Variants in RIT2 observed in about 807,000 individuals in gnomAD.
RIT2 encodes the protein GTP-binding protein Rit2.
In RIT2, 24 loss-of-function variants were observed where a neutral mutation model predicts 23.7. That is an observed-to-expected ratio of 1.01 (90% CI 0.73 to 1.43). The LOEUF (loss-of-function observed/expected upper bound fraction) is 1.43, where lower values mean the gene tolerates loss of function less well. Ranked by LOEUF, RIT2 falls within the 40% of genes most tolerant of loss-of-function variation. The probability of loss-of-function intolerance (pLI) is 0.00; values close to 1 mark genes in which losing one functional copy is unlikely to be tolerated. For missense variants in RIT2, 236 were observed against 266.9 expected, an observed-to-expected ratio of 0.88 and a Z score of 0.81; for synonymous variants, 107 against 91.1, an observed-to-expected ratio of 1.17 and a Z score of -0.99.
intron 3 of RIT2, among the ~76,000 whole-genome samples, 185 bp from the exon 4 acceptor site, chr18:42,923,948 C>T (rs992217185): frequency 6.6e-6 from 1 of 151,610 alleles, no homozygotes; most frequent in Non-Finnish European, 1.5e-5. Flanking sequence ...TACTTATAGA[C>T]TCTTAGGGAT....
At chr18:42,900,210 GA>G (rs929861480) in intron 4 of RIT2, among the ~76,000 whole-genome samples, 1 of 151,948 alleles carries the variant, frequency 6.6e-6, no homozygotes, top group Admixed American at 6.6e-5. Context: ...AATTTTTGAA[GA>G]AATTTCTGCT....
chr18:42,751,114 G>T (rs1171894333), intron 4 of RIT2, among the ~76,000 whole-genome samples: 1 of 151,798 alleles, frequency 6.6e-6, no homozygotes, highest in African/African-American at 2.4e-5. Context: ...ATATTATTGG[G>T]ATATCATTTC....
At chr18:42,979,635 G>A (rs903080101) in intron 2 of RIT2, among the ~76,000 whole-genome samples, 4 of 152,164 alleles carry the variant, frequency 2.6e-5, no homozygotes, top group African/African-American at 9.7e-5. Flanking sequence ...GCAACGTACT[G>A]TGCTGCACAC....
At chr18:43,044,714 G>A (rs1258632695) in intron 1 of RIT2, among the ~76,000 whole-genome samples, 2 of 152,296 alleles carry the variant, frequency 1.3e-5, no homozygotes, top group East Asian at 3.9e-4. Context: ...TTGAGGGACA[G>A]ATTAGAAAAC....
intron 4 of RIT2, among the ~76,000 whole-genome samples, chr18:42,870,343 C>T (rs1205902280): frequency 6.6e-6 from 1 of 152,064 alleles, no homozygotes; most frequent in African/African-American, 2.4e-5. Context: ...CAGGTTCAAG[C>T]GATTCTCCTG....
intron 1 of RIT2, among the ~76,000 whole-genome samples, chr18:43,056,860 G>A (rs184859963): frequency 6.6e-6 from 1 of 152,208 alleles, no homozygotes; most frequent in East Asian, 1.9e-4. Flanking sequence ...TCTTTGAATT[G>A]ACCTCAGCAA....
At chr18:42,995,182 T>C (rs1315210526) in intron 2 of RIT2, among the ~76,000 whole-genome samples, 2 of 152,152 alleles carry the variant, frequency 1.3e-5, no homozygotes, top group Non-Finnish European at 2.9e-5. Flanking sequence ...TTAAAACCTC[T>C]CATTTCCTTT....
chr18:42,781,031 A>G (rs1411139440), intron 4 of RIT2, among the ~76,000 whole-genome samples: 2 of 152,266 alleles, frequency 1.3e-5, no homozygotes, highest in East Asian at 3.9e-4. Context: ...ACCTGCAGTG[A>G]AACTTTAAGC....
chr18:42,909,451 C>T (rs1908710675), intron 4 of RIT2, among the ~76,000 whole-genome samples: 1 of 152,000 alleles, frequency 6.6e-6, no homozygotes, highest in African/African-American at 2.4e-5. Flanking sequence ...ACACCTTTAC[C>T]CCAAAAATTG....
Position 42,845,567 on chromosome 18 carries a change from G to C in RIT2, c.426+78005C>G, listed in dbSNP as rs181124333. Among the ~76,000 whole-genome samples, 574 of 150,226 alleles carry C rather than the reference G, an allele frequency of 3.8e-3. 2 individuals carry two copies. Among genetic ancestry groups the C allele is most frequent in the Admixed American group, 0.012 (187 of 15,038 alleles). On this transcript the variant is annotated intron_variant, in intron 4 of 4. Coordinates refer to ENST00000326695, the MANE Select transcript of RIT2 (RefSeq NM_002930.4). ...ACTGTAGAATGTACATGTTTTTCCA[G>C]TACGTGAAACAATTATAAATATTGG...
chr18:42,944,028 G>C (rs1199839037), intron 3 of RIT2, among the ~76,000 whole-genome samples: 1 of 152,078 alleles, frequency 6.6e-6, no homozygotes, highest in African/African-American at 2.4e-5. Context: ...TCCAGGGTCT[G>C]TTATCAACAC....
At chr18:43,040,756 A>G (rs985863537) in intron 1 of RIT2, among the ~76,000 whole-genome samples, 4 of 152,238 alleles carry the variant, frequency 2.6e-5, no homozygotes, top group South Asian at 2.1e-4. Context: ...ATAAGGGGGA[A>G]AAGGATATTT....
intron 3 of RIT2, among the ~76,000 whole-genome samples, chr18:42,955,212 A>G (rs1037746685): frequency 1.3e-5 from 2 of 152,218 alleles, no homozygotes; most frequent in African/African-American, 4.8e-5. Flanking sequence ...GTTCAATAAT[A>G]CTACTGTCAT....
At chr18:42,880,170 T>G (rs996349467) in intron 4 of RIT2, among the ~76,000 whole-genome samples, 4 of 152,182 alleles carry the variant, frequency 2.6e-5, no homozygotes, top group Admixed American at 6.5e-5. Flanking sequence ...CAAAAAGGAC[T>G]GGATCTCGTA....
At chr18:42,776,771 A>C (rs1435758879) in intron 4 of RIT2, among the ~76,000 whole-genome samples, 2 of 152,162 alleles carry the variant, frequency 1.3e-5, no homozygotes, top group African/African-American at 4.8e-5. Context: ...ATTGTTCAAC[A>C]AAATTATAAT....
chr18:42,775,841 A>G (rs1430779167), intron 4 of RIT2, among the ~76,000 whole-genome samples: 1 of 147,712 alleles, frequency 6.8e-6, no homozygotes, highest in East Asian at 1.9e-4. Flanking sequence ...TGAGGGCAGA[A>G]GAAACTAACA....
intron 4 of RIT2, among the ~76,000 whole-genome samples, chr18:42,920,988 C>T (rs1330860166): frequency 6.6e-6 from 1 of 151,776 alleles, no homozygotes; most frequent in African/African-American, 2.4e-5. Context: ...CTTTCAGATA[C>T]TGATGAACAA....
chr18:42,897,179 G>T (rs1020658128), intron 4 of RIT2, among the ~76,000 whole-genome samples: 11 of 152,138 alleles, frequency 7.2e-5, no homozygotes, highest in South Asian at 2.1e-4. Context: ...TAAAATACCT[G>T]ATAACTTACT....
At chr18:43,048,446 C>T (rs867411711) in intron 1 of RIT2, among the ~76,000 whole-genome samples, 1 of 152,110 alleles carries the variant, frequency 6.6e-6, no homozygotes, top group African/African-American at 2.4e-5. Context: ...AAGCTTAAGA[C>T]ATTTCCTGGA....
Sources: allele counts gnomAD v4.1 joint callset (sites outside exome capture counted in the v4.1 genomes callset), GRCh38; gene constraint gnomAD v4.1.1; transcripts MANE v1.5; gene names NCBI Gene and HGNC (gene_info 2026-07-23, HGNC 2026-07-21).